Variants in RMND1 observed in about 807,000 individuals in gnomAD.
RMND1 encodes required for meiotic nuclear division 1 homolog, also known as required for meiotic nuclear division protein 1 homolog.
A neutral mutation model predicts 54.0 loss-of-function variants in RMND1; 41 were observed. The ratio of observed to expected loss-of-function variants is 0.76; its 90% CI spans 0.59 to 0.98. RMND1 has a LOEUF of 0.98. Among genes scored for constraint, RMND1 ranks in the 50% least tolerant of loss-of-function variants. RMND1 has a pLI of 0.00. For missense variants in RMND1, 457 were observed against 532.0 expected (o/e 0.86, Z 1.39); for synonymous variants, 183 against 181.7 (o/e 1.01, Z -0.06).
chr6:151,448,949 G>A (rs566889966), intron 1 of RMND1, among the ~76,000 whole-genome samples: 57 of 150,370 alleles, frequency 3.8e-4, no homozygotes, highest in African/African-American at 1.3e-3. Context: ...TGGTGGCATG[G>A]GCCTATAATC....
chr6:151,434,547 C>G (rs542023522), intron 3 of RMND1, among the ~76,000 whole-genome samples: 1 of 152,242 alleles, frequency 6.6e-6, no homozygotes, highest in East Asian at 1.9e-4. Flanking sequence ...ACAGACCACA[C>G]AGCTGGCAGC....
At chr6:151,405,311 G>A (rs774343231) in intron 11 of RMND1, 44 bp from the exon 12 acceptor site, 3 of 1,529,280 alleles carry the variant, frequency 2.0e-6, no homozygotes, top group South Asian at 2.2e-5. Context: ...GGCAAATTAT[G>A]GGTACAAACT....
Position 151,422,546 on chromosome 6 carries a change from G to A in RMND1, c.997C>T (p.Pro333Ser). ...CATAAAATTGATATAATTACCTCAG[G>A]AATTGACTGAATAGATTCAATAAAT... ...DKFIESIQSIPEALKAGKKVK... is the reference protein window; with the variant it reads ...DKFIESIQSISEALKAGKKVK... The change falls in exon 8 of 12, where the codon CCT (proline) becomes TCT (serine). Residue 333 changes from proline (P) to serine (S), a missense_variant. Physicochemically the swap from Pro to Ser is moderately conservative, Grantham distance 74. Coordinates refer to ENST00000444024, the MANE Select transcript of RMND1 (RefSeq NM_017909.4). 6.7e-7 allele frequency: 1 copy of A among 1,492,370 alleles called. No homozygotes were observed. Among genetic ancestry groups the A allele is most frequent in the Non-Finnish European group, 9.1e-7 (1 of 1,100,664 alleles). The allele number at this position is 1,492,370 out of a possible 1,614,324, so 92.4% of individuals were successfully genotyped here.
chr6:151,431,698 A>G (rs1582958609), intron 4 of RMND1, among the ~76,000 whole-genome samples: 1 of 152,338 alleles, frequency 6.6e-6, no homozygotes, highest in Non-Finnish European at 1.5e-5. Flanking sequence ...AATACACAGC[A>G]AAATTCAAAG....
At chr6:151,424,604 G>GAAC (rs1780243884) in intron 6 of RMND1, among the ~76,000 whole-genome samples, 1 of 152,064 alleles carries the variant, frequency 6.6e-6, no homozygotes, top group African/African-American at 2.4e-5. Flanking sequence ...ATAAAAAGGA[G>GAAC]AACGTTCACA....
chr6:151,426,855 C>T (rs7762387), intron 6 of RMND1, among the ~76,000 whole-genome samples: 1,616 of 151,926 alleles, frequency 0.011, 25 homozygotes, highest in African/African-American at 0.034. Context: ...CTGCAACCTC[C>T]GCCTCCCAGG....
intron 2 of RMND1, among the ~76,000 whole-genome samples, chr6:151,442,541 T>C (rs1780812328): frequency 6.6e-6 from 1 of 152,114 alleles, no homozygotes; most frequent in Non-Finnish European, 1.5e-5. Context: ...TTTTCTTGTT[T>C]GTTTAGTGAC....
intron 10 of RMND1, among the ~76,000 whole-genome samples, chr6:151,409,916 T>C (rs1341453203): frequency 6.6e-6 from 1 of 152,212 alleles, no homozygotes; most frequent in Non-Finnish European, 1.5e-5. Context: ...TTCTGTCCCA[T>C]GACACTGTGT....
At chr6:151,451,173 G>T (rs1299795894) in intron 1 of RMND1, among the ~76,000 whole-genome samples, 3 of 138,294 alleles carry the variant, frequency 2.2e-5, no homozygotes, top group Non-Finnish European at 4.5e-5. Context: ...ATCCCCCTCT[G>T]CGAGAAACAC....
chr6:151,419,682 A>G (rs1780103650), intron 9 of RMND1, among the ~76,000 whole-genome samples: 1 of 151,656 alleles, frequency 6.6e-6, no homozygotes, highest in Admixed American at 6.6e-5. Flanking sequence ...AAAAAAAAAA[A>G]AAAAAAAAGT....
intron 1 of RMND1, among the ~76,000 whole-genome samples, chr6:151,450,631 C>T (rs1781139636): frequency 6.7e-6 from 1 of 150,242 alleles, no homozygotes; most frequent in Non-Finnish European, 1.5e-5. Flanking sequence ...GTGAGGGGCG[C>T]CTCTGCCCGG....
intron 1 of RMND1, among the ~76,000 whole-genome samples, chr6:151,448,934 G>A (rs370465618): frequency 8.1e-4 from 123 of 151,474 alleles, no homozygotes; most frequent in African/African-American, 2.8e-3. Flanking sequence ...AAAATCAGCC[G>A]GGCATGGTGG....
intron 6 of RMND1, among the ~76,000 whole-genome samples, chr6:151,424,740 G>C (rs1473713245): frequency 6.6e-6 from 1 of 150,988 alleles, no homozygotes; most frequent in African/African-American, 2.4e-5. Flanking sequence ...TGTGACTGTG[G>C]AGAATCCTAG....
rs1779565668 is a variant in RMND1, at chr6:151,405,157, A to ACT, written c.*77_*78insAG. On this transcript the variant is annotated 3_prime_UTR_variant, in exon 12 of 12. Coordinates refer to ENST00000444024, the MANE Select transcript of RMND1 (RefSeq NM_017909.4). Reference sequence around the variant, plus strand: ...AGTGCTGGGATTACAGGCATGAGGCACCGCGCCGGGCCGAACATTTAATTT... The same window carrying ACT: ...AGTGCTGGGATTACAGGCATGAGGCACTCCGCGCCGGGCCGAACATTTAATTT... 2 of 1,340,422 alleles carry ACT rather than the reference A, an allele frequency of 1.5e-6. No homozygotes were observed. The allele number at this position is 1,340,422 out of a possible 1,614,324, so 83.0% of individuals were successfully genotyped here. A position where few individuals can be genotyped will look rare whatever the true frequency, so the allele number is the denominator to read the frequency against.
chr6:151,450,567 G>A (rs1158310296), intron 1 of RMND1, among the ~76,000 whole-genome samples: 1 of 147,326 alleles, frequency 6.8e-6, no homozygotes, highest in Non-Finnish European at 1.5e-5. Context: ...CGCCCCGTCC[G>A]GGAGGGAGGT....
chr6:151,442,017 G>T (rs1262939719), intron 2 of RMND1, among the ~76,000 whole-genome samples: 3 of 152,158 alleles, frequency 2.0e-5, no homozygotes, highest in African/African-American at 7.2e-5. Flanking sequence ...TGAATTGCAG[G>T]ACACCTTGTT....
At chr6:151,411,104 C>T (rs1167123292) in intron 10 of RMND1, among the ~76,000 whole-genome samples, 2 of 152,156 alleles carry the variant, frequency 1.3e-5, no homozygotes, top group South Asian at 4.1e-4. Context: ...GGATCACAGG[C>T]ATGCACCACC....
At chr6:151,410,061 T>TG (rs941146441) in intron 10 of RMND1, among the ~76,000 whole-genome samples, 4 of 151,658 alleles carry the variant, frequency 2.6e-5, no homozygotes, top group Admixed American at 6.6e-5. Flanking sequence ...TGTTCCATTT[T>TG]TTTTTTTTTT....
chr6:151,416,752 T>C (rs1346999414), intron 10 of RMND1: 1 of 152,384 alleles, frequency 6.6e-6, no homozygotes, highest in Non-Finnish European at 1.5e-5. Flanking sequence ...AATGCCTGCA[T>C]GACGGAGCTA....
Sources: allele counts gnomAD v4.1 joint callset (sites outside exome capture counted in the v4.1 genomes callset), GRCh38; gene constraint gnomAD v4.1.1; transcripts MANE v1.5; gene names NCBI Gene and HGNC (gene_info 2026-07-23, HGNC 2026-07-21).